Variants in ELMO1 observed in about 807,000 individuals in gnomAD.
ELMO1 encodes the protein engulfment and cell motility protein 1.
Under a neutral mutation model 98.9 loss-of-function variants are expected in ELMO1, and 26 were observed. The observed-to-expected ratio is 0.26, with a 90% CI of 0.19 to 0.36. ELMO1 has a LOEUF of 0.36. Ranked by LOEUF, ELMO1 falls within the 10% of genes least tolerant of loss-of-function variation. The probability of loss-of-function intolerance (pLI) is 1.00; values close to 1 mark genes in which losing one functional copy is unlikely to be tolerated. For missense variants in ELMO1, 627 were observed against 935.2 expected, an observed-to-expected ratio of 0.67 and a Z score of 4.30; for synonymous variants, 346 against 346.0, an observed-to-expected ratio of 1.00 and a Z score of 0.00.
At chr7:36,970,205 A>G (rs1264570042) in intron 16 of ELMO1, among the ~76,000 whole-genome samples, 1 of 151,810 alleles carries the variant, frequency 6.6e-6, no homozygotes, top group African/African-American at 2.4e-5. Context: ...ACACACACAC[A>G]CACACACACA....
At chr7:37,280,683 A>G (rs918339400) in intron 4 of ELMO1, among the ~76,000 whole-genome samples, 5 of 150,358 alleles carry the variant, frequency 3.3e-5, no homozygotes, top group Admixed American at 6.6e-5. Flanking sequence ...GGCCATAATC[A>G]AAAAAATAAA....
intron 15 of ELMO1, among the ~76,000 whole-genome samples, chr7:37,055,764 T>A (rs1472472318): frequency 6.6e-6 from 1 of 152,134 alleles, no homozygotes; most frequent in Non-Finnish European, 1.5e-5. Context: ...TCCAGTTGAG[T>A]GGTGCCAATT....
chr7:37,199,867 TATG>T (rs1178674434), intron 13 of ELMO1, among the ~76,000 whole-genome samples: 1 of 152,160 alleles, frequency 6.6e-6, no homozygotes. Flanking sequence ...CCCTAGGAAG[TATG>T]ATGATGCTAC....
intron 4 of ELMO1, among the ~76,000 whole-genome samples, chr7:37,292,728 G>A (rs1334122496): frequency 3.3e-5 from 3 of 91,998 alleles, no homozygotes; most frequent in South Asian, 4.0e-4. Flanking sequence ...CCCCGTCCGG[G>A]AGGGAGGTGG....
intron 1 of ELMO1, among the ~76,000 whole-genome samples, chr7:37,369,768 A>T (rs1802041507): frequency 6.6e-6 from 1 of 151,850 alleles, no homozygotes; most frequent in East Asian, 1.9e-4. Flanking sequence ...TAACAAAAAA[A>T]TTTTAATAAA....
chr7:36,892,868 C>T (rs1166982990), intron 17 of ELMO1, among the ~76,000 whole-genome samples: 2 of 152,042 alleles, frequency 1.3e-5, no homozygotes, highest in African/African-American at 4.8e-5. Flanking sequence ...CTTCTTGGTC[C>T]ATGGCCGAGG....
At chr7:37,021,358 A>C in intron 15 of ELMO1, among the ~76,000 whole-genome samples, 1 of 152,282 alleles carries the variant, frequency 6.6e-6, no homozygotes, top group Middle Eastern at 3.4e-3. Flanking sequence ...AATAGTATAA[A>C]ATTTATACTG....
intron 13 of ELMO1, among the ~76,000 whole-genome samples, chr7:37,156,243 C>T (rs530448128): frequency 5.3e-5 from 8 of 151,944 alleles, no homozygotes; most frequent in Admixed American, 2.0e-4. Flanking sequence ...AAATTGACAC[C>T]GTAACAACAC....
At chr7:36,946,971 A>AT (rs1787544601) in intron 16 of ELMO1, among the ~76,000 whole-genome samples, 1 of 152,220 alleles carries the variant, frequency 6.6e-6, no homozygotes, top group South Asian at 2.1e-4. Flanking sequence ...TCTTTTTGTT[A>AT]TTTTTTAAAA....
At chr7:36,863,966 G>T (rs557526226) in intron 20 of ELMO1, among the ~76,000 whole-genome samples, 1 of 152,192 alleles carries the variant, frequency 6.6e-6, no homozygotes, top group Non-Finnish European at 1.5e-5. Context: ...TTGAGAGATT[G>T]AAGAAAGAAA....
At chr7:37,129,667 C>T (rs1786772935) in intron 14 of ELMO1, among the ~76,000 whole-genome samples, 1 of 152,240 alleles carries the variant, frequency 6.6e-6, no homozygotes, top group South Asian at 2.1e-4. Flanking sequence ...GCCACTCCCA[C>T]TACCCTAGTT....
intron 20 of ELMO1, among the ~76,000 whole-genome samples, chr7:36,868,695 T>C (rs1450108747): frequency 6.6e-6 from 1 of 152,206 alleles, no homozygotes; most frequent in East Asian, 1.9e-4. Flanking sequence ...AAGCTCTTTA[T>C]ATGTTGGGGC....
At position 37,013,432 on chromosome 7, in the gene ELMO1, C is replaced by A; in HGVS notation, c.1304G>T (p.Ser435Ile). The change falls in exon 16 of 22, where the codon AGT becomes ATT. Residue 435 changes from serine to isoleucine, a missense_variant. Around this residue, in one of 3 missense-constraint regions of ELMO1, gnomAD observed 492 missense variants for 715.6 expected, o/e 0.69. Transcript: ENST00000310758. ...CEILKVGELPSETCNDFHPMF... is the reference protein window; with the variant it reads ...CEILKVGELPIETCNDFHPMF... ...CGGGTGGAAGTCGTTGCAGGTCTCA[C>A]TAGCTGGAGGAAAGAGATGGAAAAT... 1 of 1,613,822 alleles carries A rather than the reference C, an allele frequency of 6.2e-7. No individual in the cohort carries two copies. Among genetic ancestry groups the A allele is most frequent in the Non-Finnish European group, 8.5e-7 (1 of 1,179,872 alleles).
chr7:37,346,969 C>T (rs1201399438), intron 1 of ELMO1, among the ~76,000 whole-genome samples: 1 of 152,166 alleles, frequency 6.6e-6, no homozygotes, highest in Non-Finnish European at 1.5e-5. Context: ...GTACACAAAG[C>T]AGCCATTGAG....
chr7:37,289,245 T>TAC (rs1797554485), intron 4 of ELMO1, among the ~76,000 whole-genome samples: 1 of 151,992 alleles, frequency 6.6e-6, no homozygotes, highest in Non-Finnish European at 1.5e-5. Flanking sequence ...CCCCTTCCCC[T>TAC]CTCTCACAAT....
chr7:37,357,426 C>T (rs949029070), intron 1 of ELMO1, among the ~76,000 whole-genome samples: 1 of 152,128 alleles, frequency 6.6e-6, no homozygotes, highest in Non-Finnish European at 1.5e-5. Context: ...CCAGCTGCCC[C>T]CCAGAAGCTG....
Position 36,868,489 on chromosome 7 carries a change from G to A in ELMO1, c.1905+1904C>T, listed in dbSNP as rs138309982. 3.0e-3 allele frequency among the ~76,000 whole-genome samples: 464 copies of A among 152,178 alleles called. 14 individuals carry two copies. The East Asian group carries it at 0.07, about 23-fold the overall frequency. On this transcript the variant is annotated intron_variant, in intron 20 of 21. Coordinates refer to ENST00000310758, the MANE Select transcript of ELMO1 (RefSeq NM_014800.11). ...GCCTCCCAAGCAGCTGGGACTACAG[G>A]TGCCTGCCACCAGGCCTGGCTAATT...
chr7:37,121,762 G>A (rs1157985247), intron 14 of ELMO1, among the ~76,000 whole-genome samples: 1 of 152,048 alleles, frequency 6.6e-6, no homozygotes, highest in Non-Finnish European at 1.5e-5. Context: ...TTCAAATTCA[G>A]GAAATACAGA....
chr7:37,192,909 T>C (rs1276991101), intron 13 of ELMO1, among the ~76,000 whole-genome samples: 1 of 144,390 alleles, frequency 6.9e-6, no homozygotes, highest in Non-Finnish European at 1.5e-5. Context: ...TAGATACATA[T>C]ATTTTATATA....
Sources: gnomAD v4.1 joint callset for allele counts (sites outside exome capture counted in the v4.1 genomes callset) on GRCh38, gnomAD v4.1.1 for gene constraint, gnomAD v4.1.1 regional missense constraint, MANE v1.5 for transcripts, NCBI Gene and HGNC (gene_info 2026-07-23, HGNC 2026-07-21) for gene names.